Variants in PTPRQ observed in about 807,000 individuals in gnomAD.
The protein encoded by PTPRQ is phosphatidylinositol phosphatase PTPRQ.
A neutral mutation model predicts 246.0 loss-of-function variants in PTPRQ; 199 were observed. The ratio of observed to expected loss-of-function variants is 0.81; its 90% confidence interval spans 0.72 to 0.91. The LOEUF is 0.91. Ranked by LOEUF, PTPRQ falls within the 40% of genes least tolerant of loss-of-function variation. The pLI, the probability that PTPRQ is intolerant of heterozygous loss-of-function variation, is 0.00. For missense variants in PTPRQ, 2,624 were observed against 2,528.4 expected (o/e 1.04, Z -0.81); for synonymous variants, 869 against 853.2 (o/e 1.02, Z -0.32).
rs1894020076 is a variant in PTPRQ at position 80,480,854 on chromosome 12, A to G, written c.1187-3579A>G. ...AGTTGAATCTCTGAATAGACCAATA[A>G]CAGGCTCTGAAATTGTGGCAATAAG... On this transcript the variant is annotated intron_variant, in intron 8 of 44. Transcript: ENST00000644991. Among the ~76,000 whole-genome samples, 3 of 152,294 alleles carry G rather than the reference A, an allele frequency of 2.0e-5. No homozygotes were observed. In the South Asian group the frequency reaches 6.2e-4, roughly 32 times the overall value.
intron 8 of PTPRQ, among the ~76,000 whole-genome samples, chr12:80,480,764 G>T (rs1464696343): frequency 6.6e-6 from 1 of 152,150 alleles, no homozygotes; most frequent in Non-Finnish European, 1.5e-5. Context: ...AAATAAACTA[G>T]AAAATCTAGA....
intron 9 of PTPRQ, among the ~76,000 whole-genome samples, chr12:80,490,363 C>A (rs1894407330): frequency 6.6e-6 from 1 of 151,950 alleles, no homozygotes; most frequent in Non-Finnish European, 1.5e-5. Flanking sequence ...TTAGAAAATA[C>A]AATTACATTC....
chr12:80,604,759 A>T (rs1165902546), intron 26 of PTPRQ, among the ~76,000 whole-genome samples: 1 of 151,530 alleles, frequency 6.6e-6, no homozygotes, highest in African/African-American at 2.4e-5. Context: ...TTGCTTAAAA[A>T]GGTTTACTTT....
chr12:80,627,576 C>G lies in PTPRQ; in HGVS notation c.5687-4616C>G, dbSNP rs191772555. ...AAAAACAGACTTAAAAAGTTGGATA[C>G]ATATGCTGAATTTAAATAATGATAA... On this transcript the variant is annotated intron_variant, in intron 33 of 44. Coordinates refer to ENST00000644991, the MANE Select transcript of PTPRQ (RefSeq NM_001145026.2). 4.0e-3 allele frequency among the ~76,000 whole-genome samples: 608 copies of G among 151,972 alleles called. 8 individuals carry two copies. Among genetic ancestry groups the G allele is most frequent in the African/African-American group, 0.014 (587 of 41,516 alleles).
chr12:80,651,008 T>C (rs1307754427), intron 37 of PTPRQ, among the ~76,000 whole-genome samples: 2 of 152,054 alleles, frequency 1.3e-5, no homozygotes, highest in South Asian at 2.1e-4. Context: ...ACTCAGGACA[T>C]ATTCACTCAT....
rs575551531 is a variant in PTPRQ at position 80,572,789 on chromosome 12, G to T, written c.4286-15340G>T. On this transcript the variant is annotated intron_variant, in intron 25 of 44. Coordinates refer to ENST00000644991, the MANE Select transcript of PTPRQ (RefSeq NM_001145026.2). ...TTTGCTTTTTCTCTTTTATTCTCTT[G>T]CTGTGATAAGTTACATGGTTTATTT... Among the ~76,000 whole-genome samples the T allele has an allele frequency of 2.9e-4, 44 of 152,122 alleles. No individual in the cohort carries two copies. In the South Asian group the frequency reaches 8.3e-3, roughly 29 times the overall value.
intron 35 of PTPRQ, among the ~76,000 whole-genome samples, chr12:80,645,379 T>G (rs1038272091): frequency 1.3e-5 from 2 of 152,080 alleles, no homozygotes; most frequent in African/African-American, 4.8e-5. Context: ...CTCAGTTTCT[T>G]AATAATTTAG....
chr12:80,597,949 T>G (rs180733194), intron 26 of PTPRQ, among the ~76,000 whole-genome samples: 4 of 151,964 alleles, frequency 2.6e-5, no homozygotes. Context: ...TCCAAAGTAA[T>G]AGTAGTAATT....
At chr12:80,540,465 C>T (rs1030048182) in intron 20 of PTPRQ, among the ~76,000 whole-genome samples, 1 of 151,986 alleles carries the variant, frequency 6.6e-6, no homozygotes, top group Admixed American at 6.6e-5. Flanking sequence ...GATTGAAGAT[C>T]TTGATGTTTT....
chr12:80,546,813 T>A, intron 24 of PTPRQ, 116 bp downstream of exon 24: 2 of 1,216,950 alleles, frequency 1.6e-6, no homozygotes, highest in African/African-American at 3.1e-5. Flanking sequence ...AAAGGGAAAT[T>A]GCATTTCAGT....
At chr12:80,458,485 A>G (rs1174336375) in intron 4 of PTPRQ, among the ~76,000 whole-genome samples, 1 of 151,906 alleles carries the variant, frequency 6.6e-6, no homozygotes, top group Non-Finnish European at 1.5e-5. Flanking sequence ...TACAATGTAA[A>G]CCTAAACTCT....
intron 16 of PTPRQ, among the ~76,000 whole-genome samples, chr12:80,507,719 C>T (rs1895005512): frequency 6.6e-6 from 1 of 151,934 alleles, no homozygotes; most frequent in African/African-American, 2.4e-5. Context: ...ATTGCATCTA[C>T]TTACTAATGC....
At chr12:80,634,108 AT>A (rs1899548628) in intron 34 of PTPRQ, among the ~76,000 whole-genome samples, 1 of 152,066 alleles carries the variant, frequency 6.6e-6, no homozygotes, top group Non-Finnish European at 1.5e-5. Context: ...GCACTGTCTT[AT>A]GTGTTGTAAT....
intron 8 of PTPRQ, among the ~76,000 whole-genome samples, chr12:80,473,045 A>ACACACGCG (rs1555185233): frequency 2.2e-5 from 2 of 92,338 alleles, no homozygotes; most frequent in African/African-American, 6.1e-5. Flanking sequence ...ACTCACACAC[A>ACACACGCG]CGCACACACA....
At position 80,542,337 on chromosome 12, in the gene PTPRQ, ATTC is replaced by A; in HGVS notation, c.3697_3699del (p.Leu1233del). On this transcript the variant is annotated inframe_deletion, in exon 22 of 45. Coordinates refer to ENST00000644991, the MANE Select transcript of PTPRQ (RefSeq NM_001145026.2). ...TAGAAAAGGACTTGGTCCTTCCAGT[ATTC>A]TTTTCTTTTACACAGATGAGTCAGG... 1.9e-6 allele frequency: 3 copies of A among 1,544,726 alleles called. No homozygotes were observed. Among genetic ancestry groups the A allele is most frequent in the South Asian group, 2.4e-5 (2 of 82,050 alleles).
intron 25 of PTPRQ, chr12:80,586,559 G>A (rs555593632): frequency 3.3e-5 from 5 of 151,954 alleles, no homozygotes; most frequent in Admixed American, 6.6e-5. Flanking sequence ...TATACCCAAA[G>A]GACTATAAAT....
intron 25 of PTPRQ, among the ~76,000 whole-genome samples, chr12:80,572,577 C>G (rs1210903779): frequency 6.6e-6 from 1 of 152,070 alleles, no homozygotes; most frequent in East Asian, 1.9e-4. Flanking sequence ...AAGCCAATAT[C>G]CTTGTGTTGT....
At chr12:80,663,894 C>G (rs750143548) in intron 39 of PTPRQ, among the ~76,000 whole-genome samples, 2 of 151,984 alleles carry the variant, frequency 1.3e-5, no homozygotes, top group Non-Finnish European at 2.9e-5. Context: ...CTCTGCCCTA[C>G]AGCTCTTTGA....
chr12:80,484,730 A>C (rs770157919), intron 9 of PTPRQ, 125 bp downstream of exon 9: 44 of 1,147,050 alleles, frequency 3.8e-5, no homozygotes, highest in Non-Finnish European at 5.0e-5. Flanking sequence ...AAGTAAAGTA[A>C]ATTTGGGGCA....
Sources: gnomAD v4.1 joint callset for allele counts (sites outside exome capture counted in the v4.1 genomes callset) on GRCh38, gnomAD v4.1.1 for gene constraint, MANE v1.5 for transcripts, NCBI Gene and HGNC (gene_info 2026-07-23, HGNC 2026-07-21) for gene names.